The following ANKUB1 variants were observed in gnomAD, a reference collection of about 807,000 sequenced individuals.
ANKUB1 encodes ankyrin repeat and ubiquitin domain containing 1, also known as protein ANKUB1.
ANKUB1 carries 42 observed loss-of-function variants against 49.3 expected under a neutral mutation model. The ratio of observed to expected loss-of-function variants is 0.85; its 90% CI spans 0.67 to 1.10. The LOEUF (loss-of-function observed/expected upper bound fraction) is 1.10. ANKUB1 is among the 50% of genes least tolerant of loss of function. ANKUB1 has a pLI of 0.00. For synonymous variants in ANKUB1, 222 were observed against 231.0 expected, an observed-to-expected ratio of 0.96 and a Z score of 0.35; for missense variants, 613 against 642.0, an observed-to-expected ratio of 0.95 and a Z score of 0.49.
At chr3:149,778,710 C>T (rs2948144) in intron 3 of ANKUB1, 1 of 152,094 alleles carries the variant, frequency 6.6e-6, no homozygotes, top group South Asian at 2.1e-4. Context: ...AACTTCACTT[C>T]CCCTGATCAA....
intron 2 of ANKUB1, among the ~76,000 whole-genome samples, chr3:149,787,258 G>A (rs1215942720): frequency 1.3e-5 from 2 of 152,130 alleles, no homozygotes; most frequent in Non-Finnish European, 2.9e-5. Flanking sequence ...TTGAGCAGTG[G>A]TTTGTAGTTC....
intron 4 of ANKUB1, among the ~76,000 whole-genome samples, chr3:149,768,913 A>T (rs1197174617): frequency 6.6e-6 from 1 of 152,196 alleles, no homozygotes; most frequent in Non-Finnish European, 1.5e-5. Flanking sequence ...CCGCCTCATC[A>T]AATTGTTACA....
intron 2 of ANKUB1, 31 bp downstream of exon 2, chr3:149,790,749 AT>A (rs2108284047): frequency 6.6e-7 from 1 of 1,523,198 alleles, no homozygotes; most frequent in Non-Finnish European, 8.8e-7. Flanking sequence ...TGAGATAGAT[AT>A]CTTAGACGAA....
At chr3:149,788,697 A>G (rs1718222597) in intron 2 of ANKUB1, among the ~76,000 whole-genome samples, 1 of 152,178 alleles carries the variant, frequency 6.6e-6, no homozygotes, top group Non-Finnish European at 1.5e-5. Context: ...ATGTTTTTGT[A>G]AGTAAAACTG....
intron 5 of ANKUB1, among the ~76,000 whole-genome samples, chr3:149,766,325 T>C (rs966484630): frequency 7.2e-5 from 11 of 152,194 alleles, no homozygotes; most frequent in African/African-American, 2.7e-4. Context: ...ATCATTCAAT[T>C]TGTCATTAAT....
At position 149,792,296 on chromosome 3, in the gene ANKUB1, A is replaced by G. The variant is rs1718393569; in HGVS notation, c.71T>C (p.Val24Ala). Residue 24 changes from valine to alanine, a missense_variant, in exon 1 of 6, where the codon GTT (valine) becomes GCT (alanine). Val to Ala is a moderately conservative substitution (Grantham distance 64, BLOSUM62 0). Transcript: ENST00000446160. ...ACATACCTTTATCATCAGCTTGACA[A>G]CCTCCACAGTTTCATCTGCTGAAAC... The part of the protein sequence containing the change: ...FDVSADETVE[V>A]VKLMIKDYFH... The G allele has an allele frequency of 9.2e-6, 14 of 1,525,778 alleles. No individual in the cohort carries two copies. Among genetic ancestry groups the G allele is most frequent in the Non-Finnish European group, 1.2e-5 (14 of 1,133,360 alleles). 94.5% of individuals were successfully genotyped at this position (1,525,778 alleles called of 1,614,324 possible). A position where few individuals can be genotyped will look rare whatever the true frequency, so the allele number is the denominator to read the frequency against.
intron 2 of ANKUB1, among the ~76,000 whole-genome samples, chr3:149,789,211 C>T (rs73155059): frequency 0.075 from 11,425 of 152,172 alleles, 482 homozygotes; most frequent in Middle Eastern, 0.11. Flanking sequence ...AGTATCCTAT[C>T]CATACTGTTA....
At chr3:149,792,252 G>GC in intron 1 of ANKUB1, 25 bp downstream of exon 1, 3 of 1,429,212 alleles carry the variant, frequency 2.1e-6, no homozygotes, top group Non-Finnish European at 2.8e-6. Context: ...TATACATTTT[G>GC]GTGGTTTGGG....
intron 2 of ANKUB1, among the ~76,000 whole-genome samples, chr3:149,785,891 TTCTTATTTCTCCACATCC>T (rs1373419422): frequency 6.6e-6 from 1 of 152,168 alleles, no homozygotes; most frequent in Non-Finnish European, 1.5e-5. Flanking sequence ...TGTAAAAGTG[TTCTTATTTCTCCACATCC>T]TCTCCAGCAC....
At chr3:149,786,373 T>A (rs1428673612) in intron 2 of ANKUB1, among the ~76,000 whole-genome samples, 1 of 152,246 alleles carries the variant, frequency 6.6e-6, no homozygotes, top group Non-Finnish European at 1.5e-5. Context: ...GCTGCATAAA[T>A]GTCTTCTTTT....
chr3:149,766,726 A>G (rs1224531368), intron 5 of ANKUB1: 5 of 747,158 alleles, frequency 6.7e-6, no homozygotes, highest in Admixed American at 4.3e-5. Flanking sequence ...TGAGCCTAGG[A>G]ATTCAAGAAT....
intron 3 of ANKUB1, among the ~76,000 whole-genome samples, chr3:149,776,958 TG>T (rs1037857036): frequency 2.2e-5 from 3 of 139,254 alleles, no homozygotes; most frequent in African/African-American, 8.9e-5. Flanking sequence ...GCCTGGGTGA[TG>T]GAGTGAGACC....
intron 2 of ANKUB1, among the ~76,000 whole-genome samples, chr3:149,788,465 G>A (rs975444313): frequency 1.3e-5 from 2 of 151,612 alleles, no homozygotes; most frequent in Non-Finnish European, 2.9e-5. Flanking sequence ...AGCCTCACAA[G>A]TAGCTGGGAT....
Position 149,767,822 on chromosome 3 carries a change from A to G in ANKUB1, c.840T>C (p.Ile280=), listed in dbSNP as rs1447385585. 1.3e-6 allele frequency: 2 copies of G among 1,551,752 alleles called. No homozygotes were observed. Among genetic ancestry groups the G allele is most frequent in the Non-Finnish European group, 1.7e-6 (2 of 1,147,004 alleles). The change falls in exon 5 of 6, where the codon ATT becomes ATC. Residue 280 remains isoleucine (I), a synonymous_variant. Coordinates refer to ENST00000446160, the MANE Select transcript of ANKUB1 (RefSeq NM_001144960.3). ...KNAAGQTPLT[I]VFKHKHKDCV... Reference sequence around the variant, plus strand: ...AGTCTTTATGCTTGTGTTTGAACACAATGGTCAGGGGAGTTTGTCCTGCTG... The same window carrying G: ...AGTCTTTATGCTTGTGTTTGAACACGATGGTCAGGGGAGTTTGTCCTGCTG...
At chr3:149,773,883 G>T (rs1006764627) in intron 3 of ANKUB1, among the ~76,000 whole-genome samples, 5 of 152,092 alleles carry the variant, frequency 3.3e-5, no homozygotes, top group Admixed American at 1.3e-4. Flanking sequence ...TAAGATTTAG[G>T]CCAGGGTCCC....
chr3:149,771,347 G>A (rs1717351552), intron 3 of ANKUB1, among the ~76,000 whole-genome samples: 1 of 152,120 alleles, frequency 6.6e-6, no homozygotes, highest in Admixed American at 6.5e-5. Context: ...AACCAACCTA[G>A]CTCACTTACC....
chr3:149,765,076 A>C lies in ANKUB1; in HGVS notation c.1505+2081T>G, dbSNP rs541634004. ...ATTAGAAACAATTTAAATGTCCATC[A>C]GTAGGAAAATAGATAAATAAATTAG... On this transcript the variant is annotated intron_variant, in intron 5 of 5. Transcript: ENST00000446160. 1.1e-3 allele frequency among the ~76,000 whole-genome samples: 163 copies of C among 152,346 alleles called. 2 individuals are homozygous for C. The highest frequency in any genetic ancestry group is 1.5e-3 in the Non-Finnish European group (99 of 68,024).
chr3:149,778,006 T>C (rs1717678626), intron 3 of ANKUB1, among the ~76,000 whole-genome samples: 1 of 152,196 alleles, frequency 6.6e-6, no homozygotes, highest in South Asian at 2.1e-4. Context: ...AAGGTTCAAC[T>C]CCTGATAGCA....
chr3:149,763,291 CT>C (rs987872234), intron 5 of ANKUB1, among the ~76,000 whole-genome samples: 1 of 152,166 alleles, frequency 6.6e-6, no homozygotes, highest in African/African-American at 2.4e-5. Context: ...GATGCATATC[CT>C]TGCTCTTCCT....
Sources: gnomAD v4.1 joint callset for allele counts (sites outside exome capture counted in the v4.1 genomes callset) on GRCh38, gnomAD v4.1.1 for gene constraint, MANE v1.5 for transcripts, NCBI Gene and HGNC (gene_info 2026-07-23, HGNC 2026-07-21) for gene names.